GPATCH2: variants seen among roughly 807,000 people sequenced by gnomAD.
GPATCH2 encodes the protein G patch domain-containing protein 2.
Under a neutral mutation model 58.0 loss-of-function variants are expected in GPATCH2, and 51 were observed. The ratio of observed to expected loss-of-function variants is 0.88; its 90% CI spans 0.70 to 1.11. The LOEUF (loss-of-function observed/expected upper bound fraction) is 1.11, where lower values mean the gene tolerates loss of function less well. Among genes scored for constraint, GPATCH2 ranks in the 50% most tolerant of loss-of-function variants. The pLI is 0.00. For synonymous variants in GPATCH2, 222 were observed against 218.5 expected, an observed-to-expected ratio of 1.02 and a Z score of -0.14; for missense variants, 625 against 652.2, an observed-to-expected ratio of 0.96 and a Z score of 0.45.
chr1:217,511,817 C>CTGTGTGTG (rs35836441), intron 6 of GPATCH2, among the ~76,000 whole-genome samples: 7 of 149,038 alleles, frequency 4.7e-5, no homozygotes, highest in South Asian at 4.3e-4. Context: ...AACTGGAAGT[C>CTGTGTGTG]TGTGTGTGTG....
At chr1:217,473,569 G>A (rs1660835263) in intron 8 of GPATCH2, among the ~76,000 whole-genome samples, 1 of 151,790 alleles carries the variant, frequency 6.6e-6, no homozygotes, top group South Asian at 2.1e-4. Context: ...TAAAATATTA[G>A]ATAGATAAGA....
intron 5 of GPATCH2, among the ~76,000 whole-genome samples, chr1:217,549,991 G>A (rs1665267889): frequency 1.3e-5 from 2 of 152,072 alleles, no homozygotes; most frequent in Non-Finnish European, 2.9e-5. Context: ...GGAGAACTCT[G>A]TAAGGAATAA....
At chr1:217,568,455 C>G (rs1165429720) in intron 5 of GPATCH2, among the ~76,000 whole-genome samples, 1 of 152,004 alleles carries the variant, frequency 6.6e-6, no homozygotes, top group African/African-American at 2.4e-5. Context: ...TAAAAACACA[C>G]AGACCAGATA....
At chr1:217,568,703 A>C (rs1200089894) in intron 5 of GPATCH2, among the ~76,000 whole-genome samples, 1 of 152,216 alleles carries the variant, frequency 6.6e-6, no homozygotes, top group Non-Finnish European at 1.5e-5. Context: ...AAACTCAGAA[A>C]GATGGGGAGA....
chr1:217,449,139 G>A (rs920626986), intron 9 of GPATCH2, 110 bp downstream of exon 9: 1 of 693,916 alleles, frequency 1.4e-6, no homozygotes, highest in African/African-American at 1.8e-5. Flanking sequence ...ATAGTTTCTT[G>A]CAACTGTGCT....
At chr1:217,548,849 C>G (rs552977795) in intron 5 of GPATCH2, among the ~76,000 whole-genome samples, 2 of 152,280 alleles carry the variant, frequency 1.3e-5, no homozygotes, top group Non-Finnish European at 2.9e-5. Context: ...TGTAAGTTTC[C>G]TGAGGCCTCC....
intron 8 of GPATCH2, among the ~76,000 whole-genome samples, chr1:217,473,438 A>G (rs1343899683): frequency 2.6e-5 from 4 of 152,078 alleles, no homozygotes; most frequent in Non-Finnish European, 4.4e-5. Context: ...ACAACTGAAT[A>G]TGCCTTTATG....
chr1:217,528,862 A>G (rs1217449001), intron 5 of GPATCH2, among the ~76,000 whole-genome samples: 4 of 152,330 alleles, frequency 2.6e-5, no homozygotes, highest in African/African-American at 7.2e-5. Flanking sequence ...TTGGGATTCA[A>G]GAAAGCAAAG....
chr1:217,581,458 G>C (rs1014956424), intron 5 of GPATCH2, among the ~76,000 whole-genome samples: 40 of 152,298 alleles, frequency 2.6e-4, no homozygotes, highest in African/African-American at 8.9e-4. Context: ...GTGAAACTGT[G>C]TCTCATGTTG....
At chr1:217,592,172 T>C (rs375018212) in intron 5 of GPATCH2, among the ~76,000 whole-genome samples, 30 of 152,026 alleles carry the variant, frequency 2.0e-4, no homozygotes, top group East Asian at 5.8e-4. Flanking sequence ...GCTACACAAG[T>C]TATATTTTTT....
chr1:217,551,328 T>C (rs2102669631), intron 5 of GPATCH2, among the ~76,000 whole-genome samples: 1 of 152,154 alleles, frequency 6.6e-6, no homozygotes, highest in East Asian at 1.9e-4. Context: ...TAAGAAAGGG[T>C]CTCTGGAGAT....
At chr1:217,597,163 C>CAA (rs570344554) in intron 5 of GPATCH2, among the ~76,000 whole-genome samples, 1 of 139,242 alleles carries the variant, frequency 7.2e-6, no homozygotes. Flanking sequence ...CTGTCCCTAC[C>CAA]AAAAAAAAAA....
intron 4 of GPATCH2, 34 bp downstream of exon 4, chr1:217,610,855 C>T: frequency 6.8e-7 from 1 of 1,460,392 alleles, no homozygotes; most frequent in Non-Finnish European, 9.5e-7. Context: ...GACCTTAAAC[C>T]CATTATATCT....
At chr1:217,612,107 C>T (rs1378842626) in intron 3 of GPATCH2, among the ~76,000 whole-genome samples, 1 of 151,730 alleles carries the variant, frequency 6.6e-6, no homozygotes, top group African/African-American at 2.4e-5. Flanking sequence ...TTGAGCCCAG[C>T]AGTTTGGGGT....
chr1:217,487,040 A>AACAGT (rs1466716077), intron 8 of GPATCH2, among the ~76,000 whole-genome samples: 1 of 152,152 alleles, frequency 6.6e-6, no homozygotes, highest in Non-Finnish European at 1.5e-5. Context: ...CCAATGATAA[A>AACAGT]ACAGTACAGA....
intron 8 of GPATCH2, among the ~76,000 whole-genome samples, chr1:217,449,606 A>T (rs1659565475): frequency 6.6e-6 from 1 of 152,214 alleles, no homozygotes; most frequent in Non-Finnish European, 1.5e-5. Flanking sequence ...CTGGCTCAAC[A>T]TAAAATCAAG....
At chr1:217,504,014 A>C (rs1167430190) in intron 6 of GPATCH2, among the ~76,000 whole-genome samples, 1 of 152,190 alleles carries the variant, frequency 6.6e-6, no homozygotes, top group Non-Finnish European at 1.5e-5. Flanking sequence ...GAATTCAGTT[A>C]GGTCTCCTGA....
At chr1:217,546,244 C>T (rs1045971653) in intron 5 of GPATCH2, among the ~76,000 whole-genome samples, 4 of 152,126 alleles carry the variant, frequency 2.6e-5, no homozygotes, top group Non-Finnish European at 5.9e-5. Context: ...AGATTAAATG[C>T]TATTCCTATT....
chr1:217,509,575 A>G (rs1215470381), intron 6 of GPATCH2, among the ~76,000 whole-genome samples: 1 of 152,172 alleles, frequency 6.6e-6, no homozygotes, highest in Admixed American at 6.5e-5. Flanking sequence ...TCAAGTGACT[A>G]GACTGGACAG....
Sources: allele counts gnomAD v4.1 joint callset (sites outside exome capture counted in the v4.1 genomes callset), GRCh38; gene constraint gnomAD v4.1.1; transcripts MANE v1.5; gene names NCBI Gene and HGNC (gene_info 2026-07-23, HGNC 2026-07-21).